Variants in INSR observed in about 807,000 individuals in gnomAD.
INSR encodes IR.
In INSR, 67 loss-of-function variants were observed where a neutral mutation model predicts 142.6. The observed-to-expected ratio is 0.47, with a 90% CI of 0.39 to 0.58. INSR has a LOEUF of 0.58. INSR is among the 20% of genes least tolerant of loss of function. INSR has a pLI of 0.00. For missense variants in INSR, 1,248 were observed against 1,833.2 expected (o/e 0.68, Z 5.83); for synonymous variants, 756 against 743.1 (o/e 1.02, Z -0.28).
chr19:7,121,465 A>G (rs1972490404), intron 19 of INSR, among the ~76,000 whole-genome samples: 1 of 150,818 alleles, frequency 6.6e-6, no homozygotes, highest in African/African-American at 2.4e-5. Flanking sequence ...TCCCCTCTAT[A>G]TTCCTTTTTT....
chr19:7,246,023 C>G (rs1034874204), intron 2 of INSR, among the ~76,000 whole-genome samples: 1 of 152,100 alleles, frequency 6.6e-6, no homozygotes, highest in Non-Finnish European at 1.5e-5. Flanking sequence ...CTCAGTCACA[C>G]CATACACAGT....
intron 3 of INSR, among the ~76,000 whole-genome samples, chr19:7,182,366 G>A (rs1022935528): frequency 6.6e-6 from 1 of 151,832 alleles, no homozygotes; most frequent in East Asian, 1.9e-4. Context: ...AAAAAAAATT[G>A]GCCAGGCTTG....
chr19:7,153,326 A>ATG (rs1973477944), intron 9 of INSR, among the ~76,000 whole-genome samples: 1 of 142,452 alleles, frequency 7.0e-6, no homozygotes, highest in African/African-American at 3.0e-5. Context: ...CACACACCAC[A>ATG]CACACCCACG....
chr19:7,151,968 C>T (rs1973374338), intron 10 of INSR: 1 of 145,000 alleles, frequency 6.9e-6, no homozygotes, highest in African/African-American at 2.8e-5. Flanking sequence ...AATTTTTAAA[C>T]TGTTTTTTTT....
At position 7,125,950 on chromosome 19, in the gene INSR, A is replaced by G. The variant is rs1196527668; in HGVS notation, c.3014-423T>C. On this transcript the variant is annotated intron_variant, in intron 16 of 21. Coordinates refer to ENST00000302850, the MANE Select transcript of INSR (RefSeq NM_000208.4). The surrounding 1 kb of genome is among the most constrained non-coding windows in gnomAD (Gnocchi z 4.9). ...TGGAGCTCTTCCCATGAAAAGGTGG[A>G]GTCTATCTCACCACCCCTTGGCCCT... Among the ~76,000 whole-genome samples, 1 of 152,118 alleles carries G rather than the reference A, an allele frequency of 6.6e-6. No individual in the cohort carries two copies. The highest frequency in any genetic ancestry group is 1.5e-5 in the Non-Finnish European group (1 of 68,024).
chr19:7,172,505 G>T, intron 4 of INSR, 71 bp from the exon 5 acceptor site: 1 of 1,526,396 alleles, frequency 6.6e-7, no homozygotes. Flanking sequence ...TCTCCATGGT[G>T]AGAAGATAAC....
rs1326517532 is a variant in INSR at position 7,166,754 on chromosome 19, T to C, written c.1611-350A>G. On this transcript the variant is annotated intron_variant, in intron 7 of 21. Coordinates refer to ENST00000302850, the MANE Select transcript of INSR (RefSeq NM_000208.4). This position sits in a 1 kb window ranked among gnomAD's most constrained non-coding sequence, Gnocchi z 4.1. ...GGCCAACATGGTGAAACCCCGTCTC[T>C]ACTAAAAATACAAAAATTATCTGGG... Among the ~76,000 whole-genome samples the C allele has an allele frequency of 6.6e-6, 1 of 151,962 alleles. No homozygotes were observed.
intron 2 of INSR, among the ~76,000 whole-genome samples, chr19:7,205,285 G>A (rs61681820): frequency 1.3e-5 from 2 of 152,282 alleles, no homozygotes; most frequent in African/African-American, 4.8e-5. Context: ...AGCACATTTC[G>A]TTACAAATTG....
chr19:7,143,911 C>T (rs762860786), intron 11 of INSR, among the ~76,000 whole-genome samples: 5 of 151,892 alleles, frequency 3.3e-5, no homozygotes, highest in Non-Finnish European at 5.9e-5. Flanking sequence ...AAAAATTAGC[C>T]GAGCCTGATG....
intron 1 of INSR, among the ~76,000 whole-genome samples, chr19:7,270,308 T>C: frequency 6.8e-6 from 1 of 147,596 alleles, no homozygotes; most frequent in East Asian, 2.0e-4. Flanking sequence ...TCCCACACTA[T>C]ATTTCATTTC....
In INSR at chr19:7,270,336, C is replaced by CTG. The variant is rs1967879492; in HGVS notation, c.101-2441_101-2440insCA. Among the ~76,000 whole-genome samples, 26 of 60,000 alleles carry CTG rather than the reference C, an allele frequency of 4.3e-4. No individual in the cohort carries two copies. The Admixed American group carries it at 5.6e-3, about 13-fold the overall frequency. The allele number at this position is 60,000 out of a possible 152,430, so 39.4% of individuals were successfully genotyped here. On this transcript the variant is annotated intron_variant, in intron 1 of 21. Transcript: ENST00000302850. ...TTCATTTCTCTCTCTCTCTCTCTCTCTCTCACACACACACACACACACACA... is the reference window on the plus strand; with the variant it reads ...TTCATTTCTCTCTCTCTCTCTCTCTCTGTCTCACACACACACACACACACACA...
rs367805026 is a variant in INSR at position 7,264,169 on chromosome 19, C to CA, written c.652+3175dup. Among the ~76,000 whole-genome samples, 427 of 117,498 alleles carry CA rather than the reference C, an allele frequency of 3.6e-3. 1 individual carries two copies. Among genetic ancestry groups the CA allele is most frequent in the Middle Eastern group, 4.2e-3 (1 of 236 alleles). The allele number at this position is 117,498 out of a possible 152,430, so 77.1% of individuals were successfully genotyped here. A position where few individuals can be genotyped will look rare whatever the true frequency, so the allele number is the denominator to read the frequency against. ...GGGCAACAAAAGCGAAACTCCATCTCAAAAAAAAAAAAAAAAAAGTAGCCG... is the reference window on the plus strand; with the variant it reads ...GGGCAACAAAAGCGAAACTCCATCTCAAAAAAAAAAAAAAAAAAAGTAGCCG... On this transcript the variant is annotated intron_variant, in intron 2 of 21. Transcript: ENST00000302850.
At position 7,128,955 on chromosome 19, in the gene INSR, C is replaced by G. The variant is rs144284807; in HGVS notation, c.2843-1G>C. On this transcript the variant is annotated splice_acceptor_variant, in intron 14 of 21. Transcript: ENST00000302850. LOFTEE classifies it high-confidence loss of function. Reference sequence around the variant, plus strand: ...TTTGCAATATTTGACGGGACGTCTACTGAAATAGAATAAGAAAATATATGT... The same window carrying G: ...TTTGCAATATTTGACGGGACGTCTAGTGAAATAGAATAAGAAAATATATGT... 19 of 1,600,706 alleles carry G rather than the reference C, an allele frequency of 1.2e-5. No individual in the cohort carries two copies. The African/African-American group carries it at 2.4e-4, about 20-fold the overall frequency.
At chr19:7,147,968 C>T (rs577899390) in intron 11 of INSR, among the ~76,000 whole-genome samples, 1 of 151,844 alleles carries the variant, frequency 6.6e-6, no homozygotes, top group South Asian at 2.1e-4. Flanking sequence ...GGCTGGAGTG[C>T]AGTGGTGTGA....
At chr19:7,198,013 CGTGT>C (rs59202163) in intron 2 of INSR, among the ~76,000 whole-genome samples, 54,588 of 144,962 alleles carry the variant, frequency 0.38, 10,310 homozygotes, top group East Asian at 0.5. Context: ...GGTGGGCGAG[CGTGT>C]GTGTGTGTCC....
At position 7,219,562 on chromosome 19, in the gene INSR, AGAAG is replaced by A. The variant is rs1262265699; in HGVS notation, c.653-34929_653-34926del. Among the ~76,000 whole-genome samples, 168 of 103,670 alleles carry A rather than the reference AGAAG, an allele frequency of 1.6e-3. 2 individuals are homozygous for A. The highest frequency in any genetic ancestry group is 4.7e-3 in the Middle Eastern group (1 of 212). 68.0% of individuals were successfully genotyped at this position (103,670 alleles called of 152,430 possible). A position where few individuals can be genotyped will look rare whatever the true frequency, so the allele number is the denominator to read the frequency against. On this transcript the variant is annotated intron_variant, in intron 2 of 21. Coordinates refer to ENST00000302850, the MANE Select transcript of INSR (RefSeq NM_000208.4). The stretch of plus-strand genomic sequence containing the variant: ...GGAGGGAGGGAGGGAAGGGGGAGAG[AGAAG>A]GAAGGAAGGAAGGGAGGGAAGAGAG...
intron 2 of INSR, among the ~76,000 whole-genome samples, chr19:7,211,297 C>T (rs558653559): frequency 6.6e-6 from 1 of 152,138 alleles, no homozygotes; most frequent in Non-Finnish European, 1.5e-5. Context: ...GAACTCCTGG[C>T]CTCGAGAATT....
intron 2 of INSR, among the ~76,000 whole-genome samples, chr19:7,200,468 T>C (rs529202242): frequency 2.0e-5 from 3 of 152,198 alleles, no homozygotes; most frequent in South Asian, 2.1e-4. Context: ...GGTGGGAGGA[T>C]TGCTGGAGCC....
At chr19:7,122,514 T>C (rs1972518226) in intron 19 of INSR, 100 bp downstream of exon 19, 2 of 1,266,084 alleles carry the variant, frequency 1.6e-6, no homozygotes, top group African/African-American at 1.5e-5. Flanking sequence ...TGCCCCTTTA[T>C]ATTATCAGAA....
Sources: gnomAD v4.1 joint callset for allele counts (sites outside exome capture counted in the v4.1 genomes callset) on GRCh38, gnomAD v4.1.1 for gene constraint, Gnocchi (gnomAD v3.1) non-coding constraint, MANE v1.5 for transcripts, NCBI Gene and HGNC (gene_info 2026-07-23, HGNC 2026-07-21) for gene names.